PDE4D: variants seen among roughly 807,000 people sequenced by gnomAD.
PDE4D encodes 3',5'-cyclic-AMP phosphodiesterase 4D.
A neutral mutation model predicts 87.4 loss-of-function variants in PDE4D; 24 were observed. The ratio of observed to expected loss-of-function variants is 0.27; its 90% CI spans 0.20 to 0.39. The LOEUF (loss-of-function observed/expected upper bound fraction) is 0.39. PDE4D is among the 10% of genes least tolerant of loss of function. The probability of loss-of-function intolerance (pLI) is 1.00; values close to 1 mark genes in which losing one functional copy is unlikely to be tolerated. For synonymous variants in PDE4D, 384 were observed against 383.2 expected (o/e 1.00, Z -0.02); for missense variants, 714 against 1,041.0 (o/e 0.69, Z 4.32).
intron 5 of PDE4D, among the ~76,000 whole-genome samples, chr5:59,066,990 T>TGA (rs1243966454): frequency 8.4e-4 from 56 of 66,838 alleles, no homozygotes; most frequent in African/African-American, 2.8e-3. Flanking sequence ...AGCTCGTGAT[T>TGA]TATTTATTTA....
intron 1 of PDE4D, among the ~76,000 whole-genome samples, chr5:59,547,838 AG>A (rs1817529261): frequency 1.3e-5 from 2 of 152,298 alleles, no homozygotes; most frequent in South Asian, 4.1e-4. Flanking sequence ...CGGGACACAC[AG>A]AGGCCTGGTC....
chr5:60,247,125 C>A (rs930562683), intron 1 of PDE4D, among the ~76,000 whole-genome samples: 2 of 152,056 alleles, frequency 1.3e-5, no homozygotes, highest in African/African-American at 2.4e-5. Flanking sequence ...TCCAAGGTCA[C>A]AACTTTGTAC....
chr5:59,163,123 T>C (rs75224196), intron 5 of PDE4D, among the ~76,000 whole-genome samples: 6 of 147,934 alleles, frequency 4.1e-5, no homozygotes, highest in African/African-American at 1.0e-4. Flanking sequence ...TTTTTTTTTT[T>C]CAGTAGAGAC....
At chr5:59,910,668 G>T (rs182140407) in intron 3 of PDE4D, among the ~76,000 whole-genome samples, 2 of 152,282 alleles carry the variant, frequency 1.3e-5, no homozygotes, top group African/African-American at 4.8e-5. Flanking sequence ...ATCAGTCCCT[G>T]CTCTCAACAC....
intron 3 of PDE4D, among the ~76,000 whole-genome samples, chr5:59,922,271 T>C (rs1158773085): frequency 6.6e-6 from 1 of 152,186 alleles, no homozygotes; most frequent in African/African-American, 2.4e-5. Flanking sequence ...AACGACAGTC[T>C]AAGCCACAAA....
At chr5:59,136,206 T>TG (rs1189689101) in intron 5 of PDE4D, among the ~76,000 whole-genome samples, 1 of 152,144 alleles carries the variant, frequency 6.6e-6, no homozygotes, top group Admixed American at 6.5e-5. Flanking sequence ...GTATGAAAGG[T>TG]GACTAATTTT....
intron 1 of PDE4D, among the ~76,000 whole-genome samples, chr5:60,493,345 A>G (rs533576762): frequency 6.6e-6 from 1 of 152,388 alleles, no homozygotes; most frequent in South Asian, 2.1e-4. Flanking sequence ...ATGAACAGCT[A>G]TGCTGATTAT....
chr5:59,417,109 A>T (rs963496467), intron 1 of PDE4D, among the ~76,000 whole-genome samples: 1 of 152,160 alleles, frequency 6.6e-6, no homozygotes, highest in African/African-American at 2.4e-5. Flanking sequence ...ATTTTAACAT[A>T]TTGGCTGTAT....
intron 1 of PDE4D, among the ~76,000 whole-genome samples, chr5:60,403,651 A>C (rs1298994966): frequency 3.3e-5 from 5 of 152,226 alleles, no homozygotes; most frequent in Non-Finnish European, 2.9e-5. Context: ...GGGAAACTAG[A>C]GCTAATAGAA....
chr5:59,714,021 G>A (rs542432671), intron 1 of PDE4D, among the ~76,000 whole-genome samples: 4 of 152,280 alleles, frequency 2.6e-5, no homozygotes, highest in African/African-American at 9.6e-5. Context: ...GGAGTTAGAG[G>A]CTGTTGTGAA....
At chr5:60,008,871 T>C (rs1764738718) in intron 2 of PDE4D, among the ~76,000 whole-genome samples, 1 of 152,056 alleles carries the variant, frequency 6.6e-6, no homozygotes, top group African/African-American at 2.4e-5. Context: ...TTTGTCTTAT[T>C]ATATTTACCT....
intron 1 of PDE4D, among the ~76,000 whole-genome samples, chr5:59,598,321 T>C (rs1200951123): frequency 6.6e-6 from 1 of 152,142 alleles, no homozygotes; most frequent in East Asian, 1.9e-4. Context: ...TCCCTTTCCC[T>C]TTAGATTAGC....
chr5:60,245,049 AT>A (rs1747594777), intron 1 of PDE4D, among the ~76,000 whole-genome samples: 1 of 152,084 alleles, frequency 6.6e-6, no homozygotes, highest in Admixed American at 6.6e-5. Context: ...TATCCATCTG[AT>A]AAGGGATTAA....
chr5:60,450,025 AC>A (rs2150149744), intron 1 of PDE4D, among the ~76,000 whole-genome samples: 2 of 151,368 alleles, frequency 1.3e-5, no homozygotes, highest in South Asian at 4.1e-4. Flanking sequence ...ACACCAAAAA[AC>A]AAGTCAATAA....
At chr5:60,327,047 G>A (rs879636718) in intron 1 of PDE4D, among the ~76,000 whole-genome samples, 11 of 152,078 alleles carry the variant, frequency 7.2e-5, no homozygotes, top group Non-Finnish European at 1.0e-4. Context: ...ATAGAAAACC[G>A]TTTAATAGAA....
At chr5:59,663,258 G>A (rs901030483) in intron 1 of PDE4D, among the ~76,000 whole-genome samples, 1 of 151,798 alleles carries the variant, frequency 6.6e-6, no homozygotes, top group South Asian at 2.1e-4. Flanking sequence ...TCTGCCTCCT[G>A]GGTTCATGCA....
chr5:59,031,640 G>A lies in PDE4D; in HGVS notation c.921+7219C>T, dbSNP rs191674918. 2.8e-3 allele frequency among the ~76,000 whole-genome samples: 387 copies of A among 138,646 alleles called. 6 individuals carry two copies. In the East Asian group the frequency reaches 0.047, roughly 17 times the overall value. The allele number at this position is 138,646 out of a possible 152,430, so 91.0% of individuals were successfully genotyped here. A position where few individuals can be genotyped will look rare whatever the true frequency, so the allele number is the denominator to read the frequency against. ...GGAGAATGGCATGAACCTGGGAGGC[G>A]GAGCTTGCAGTGAGCCGAGATCACA... On this transcript the variant is annotated intron_variant, in intron 6 of 14. Coordinates refer to ENST00000340635, the MANE Select transcript of PDE4D (RefSeq NM_001104631.2).
intron 1 of PDE4D, among the ~76,000 whole-genome samples, chr5:59,387,366 A>C (rs993408717): frequency 2.6e-5 from 4 of 152,160 alleles, no homozygotes; most frequent in Admixed American, 2.6e-4. Flanking sequence ...ACTTTGGGAA[A>C]TACTAACCTA....
chr5:59,569,950 A>C (rs1821549113), intron 1 of PDE4D, among the ~76,000 whole-genome samples: 1 of 152,230 alleles, frequency 6.6e-6, no homozygotes, highest in Non-Finnish European at 1.5e-5. Flanking sequence ...TTAAGATGTT[A>C]TGTGAAATTT....
Sources: allele counts gnomAD v4.1 joint callset (sites outside exome capture counted in the v4.1 genomes callset), GRCh38; gene constraint gnomAD v4.1.1; transcripts MANE v1.5; gene names NCBI Gene and HGNC (gene_info 2026-07-23, HGNC 2026-07-21).